Variants in PCDH9 observed in about 807,000 individuals in gnomAD.
PCDH9 encodes protocadherin 9.
Under a neutral mutation model 70.6 loss-of-function variants are expected in PCDH9, and 24 were observed. The observed-to-expected ratio is 0.34, with a 90% confidence interval of 0.25 to 0.48. The LOEUF is 0.48. PCDH9 is among the 20% of genes least tolerant of loss of function. The pLI is 0.99. For synonymous variants in PCDH9, 562 were observed against 558.5 expected, an observed-to-expected ratio of 1.01 and a Z score of -0.09; for missense variants, 1,281 against 1,503.6, an observed-to-expected ratio of 0.85 and a Z score of 2.45.
At chr13:66,364,487 C>G (rs1956521670) in intron 4 of PCDH9, among the ~76,000 whole-genome samples, 1 of 152,192 alleles carries the variant, frequency 6.6e-6, no homozygotes, top group Non-Finnish European at 1.5e-5. Context: ...TTGAGCAACT[C>G]TCTGAATCAG....
chr13:66,621,973 C>T (rs1056332168), intron 4 of PCDH9, among the ~76,000 whole-genome samples: 1 of 152,238 alleles, frequency 6.6e-6, no homozygotes, highest in Admixed American at 6.5e-5. Context: ...GGAACCGGGG[C>T]TGCGCGTGGG....
Position 66,304,892 on chromosome 13 carries a change from TGAGA to T in PCDH9, c.3473_3476del (p.Leu1158GlnfsTer10). The T allele has an allele frequency of 6.2e-7, 1 of 1,613,566 alleles. No homozygotes were observed. Among genetic ancestry groups the T allele is most frequent in the Non-Finnish European group, 8.5e-7 (1 of 1,179,736 alleles). ...CCCATTCTTTCTGGGGTGCAAAGGT[TGAGA>T]GAGGAGATTTGGGGTGTTGATATGG... is the stretch of plus-strand genomic sequence containing the variant. On this transcript the variant is annotated frameshift_variant, in exon 5 of 5. Transcript: ENST00000377865. LOFTEE classifies it high-confidence loss of function.
Position 66,734,542 on chromosome 13 carries a change from C to T in PCDH9, c.3139-103131G>A, listed in dbSNP as rs184586055. 5.9e-5 allele frequency among the ~76,000 whole-genome samples: 9 copies of T among 152,292 alleles called. No individual in the cohort carries two copies. In the East Asian group the frequency reaches 1.7e-3, roughly 29 times the overall value. The stretch of plus-strand genomic sequence containing the variant: ...AAGGCTTTCTTAACGACTGTGTCCT[C>T]AGATTTTGCAATTTGGCTAACTCTG... On this transcript the variant is annotated intron_variant, in intron 3 of 4. Coordinates refer to ENST00000377865, the MANE Select transcript of PCDH9 (RefSeq NM_203487.3).
chr13:67,126,248 T>A (rs1030405376), intron 2 of PCDH9, among the ~76,000 whole-genome samples: 2 of 152,156 alleles, frequency 1.3e-5, no homozygotes, highest in African/African-American at 4.8e-5. Flanking sequence ...CATTCTTTCA[T>A]AAATTTCAGT....
At chr13:66,730,897 T>TTTTTTTTTTTTTTTGTTTTG (rs1555262885) in intron 3 of PCDH9, among the ~76,000 whole-genome samples, 34 of 129,130 alleles carry the variant, frequency 2.6e-4, no homozygotes, top group Middle Eastern at 4.8e-3. Context: ...GTTTGTTTCT[T>TTTTTTTTTTTTTTTGTTTTG]TTTTTTTGTG....
rs142008854 is a variant in PCDH9 at position 66,625,136 on chromosome 13, G to T, written c.3340+6074C>A. ...CTCTTCATAATCGATCACTATCAAT[G>T]ATAACTTTCTTTTAACAAAATACAA... On this transcript the variant is annotated intron_variant, in intron 4 of 4. Transcript: ENST00000377865. Among the ~76,000 whole-genome samples, 638 of 152,060 alleles carry T rather than the reference G, an allele frequency of 4.2e-3. 20 individuals are homozygous for T. The East Asian group carries it at 0.081, about 19-fold the overall frequency.
intron 2 of PCDH9, among the ~76,000 whole-genome samples, chr13:66,911,358 A>C (rs113649780): frequency 6.6e-6 from 1 of 152,196 alleles, no homozygotes; most frequent in Non-Finnish European, 1.5e-5. Context: ...AAATTCCTTC[A>C]TAAGTAATTA....
At chr13:66,896,938 ATCATTCACT>A (rs1373597137) in intron 3 of PCDH9, among the ~76,000 whole-genome samples, 1 of 152,140 alleles carries the variant, frequency 6.6e-6, no homozygotes, top group Non-Finnish European at 1.5e-5. Flanking sequence ...ATCACTCCTG[ATCATTCACT>A]TTGTAAACTC....
At chr13:66,609,769 A>C (rs1430547074) in intron 4 of PCDH9, among the ~76,000 whole-genome samples, 7 of 152,088 alleles carry the variant, frequency 4.6e-5, no homozygotes, top group African/African-American at 1.4e-4. Context: ...CTGAACAGTC[A>C]AACATTCATA....
At position 67,064,936 on chromosome 13, in the gene PCDH9, A is replaced by ATAGC. The variant is rs1344652713; in HGVS notation, c.3036+160465_3036+160468dup. ...GATAGATAGATAGATAGATAGATAG[A>ATAGC]TAGCAGAGAGGTAGACAGATAGACA... On this transcript the variant is annotated intron_variant, in intron 2 of 4. Transcript: ENST00000377865. 8.9e-5 allele frequency among the ~76,000 whole-genome samples: 13 copies of ATAGC among 146,880 alleles called. No individual in the cohort carries two copies. In the South Asian group the frequency reaches 2.9e-3, roughly 32 times the overall value.
At chr13:67,018,760 C>T (rs1442820040) in intron 2 of PCDH9, among the ~76,000 whole-genome samples, 2 of 152,022 alleles carry the variant, frequency 1.3e-5, no homozygotes, top group African/African-American at 4.8e-5. Context: ...ACTGGAATGC[C>T]CCTGTTCTAG....
At chr13:67,037,622 C>A (rs982055614) in intron 2 of PCDH9, among the ~76,000 whole-genome samples, 1 of 152,104 alleles carries the variant, frequency 6.6e-6, no homozygotes, top group East Asian at 1.9e-4. Flanking sequence ...CACTGCTATT[C>A]TTGTTACATT....
Position 67,228,272 on chromosome 13 carries a change from C to T in PCDH9, c.169G>A (p.Gly57Arg). The T allele has an allele frequency of 6.2e-7, 1 of 1,613,908 alleles. No homozygotes were observed. Among genetic ancestry groups the T allele is most frequent in the Non-Finnish European group, 8.5e-7 (1 of 1,179,958 alleles). ...CTGTAGACAAGGCTGGCGCTGGTCCCTGTGGCAGCATTGATGTGAGAAATG... is the reference window on the plus strand; with the variant it reads ...CTGTAGACAAGGCTGGCGCTGGTCCTTGTGGCAGCATTGATGTGAGAAATG... ...LNISHINAAT[G>R]TSASLVYRLV... Residue 57 changes from glycine (G) to arginine (R), a missense_variant, in exon 2 of 5, where the codon GGG becomes AGG. Physicochemically the swap from Gly to Arg is moderately radical, Grantham distance 125 (BLOSUM62 -2). Coordinates refer to ENST00000377865, the MANE Select transcript of PCDH9 (RefSeq NM_203487.3).
chr13:66,452,899 A>G (rs1434321482), intron 4 of PCDH9, among the ~76,000 whole-genome samples: 2 of 152,046 alleles, frequency 1.3e-5, no homozygotes, highest in African/African-American at 4.8e-5. Flanking sequence ...GACTTCAGTC[A>G]AGATAATCTT....
chr13:66,477,028 A>T (rs1228490781), intron 4 of PCDH9, among the ~76,000 whole-genome samples: 1 of 152,022 alleles, frequency 6.6e-6, no homozygotes, highest in Non-Finnish European at 1.5e-5. Flanking sequence ...TCCAATAGTA[A>T]TTTTACTTAA....
intron 4 of PCDH9, among the ~76,000 whole-genome samples, chr13:66,381,805 A>G (rs992469452): frequency 6.6e-6 from 1 of 152,204 alleles, no homozygotes; most frequent in African/African-American, 2.4e-5. Context: ...CTTATGTATG[A>G]GTAGTTTTAA....
At chr13:67,095,715 C>A (rs2086306203) in intron 2 of PCDH9, among the ~76,000 whole-genome samples, 1 of 152,122 alleles carries the variant, frequency 6.6e-6, no homozygotes, top group South Asian at 2.1e-4. Context: ...TAATACTTGT[C>A]ACCTTCTGAG....
intron 4 of PCDH9, among the ~76,000 whole-genome samples, chr13:66,418,073 T>G (rs1353487271): frequency 6.6e-6 from 1 of 152,194 alleles, no homozygotes; most frequent in Non-Finnish European, 1.5e-5. Flanking sequence ...AGTCATGAAG[T>G]CCTTGCCCAT....
chr13:66,313,258 C>A (rs1028755430), intron 4 of PCDH9, among the ~76,000 whole-genome samples: 1 of 152,190 alleles, frequency 6.6e-6, no homozygotes, highest in Admixed American at 6.6e-5. Context: ...TACCTTATTG[C>A]AGATCATATT....
Sources: gnomAD v4.1 joint callset for allele counts (sites outside exome capture counted in the v4.1 genomes callset) on GRCh38, gnomAD v4.1.1 for gene constraint, MANE v1.5 for transcripts, NCBI Gene and HGNC (gene_info 2026-07-23, HGNC 2026-07-21) for gene names.